The following UNC13C variants were observed in gnomAD, a reference collection of about 807,000 sequenced individuals.
UNC13C encodes protein unc-13 homolog C.
A neutral mutation model predicts 245.4 loss-of-function variants in UNC13C; 174 were observed. That is an observed-to-expected ratio of 0.71 (90% confidence interval 0.63 to 0.80). The LOEUF (loss-of-function observed/expected upper bound fraction) is 0.80, where lower values mean the gene tolerates loss of function less well. Among genes scored for constraint, UNC13C ranks in the 30% least tolerant of loss-of-function variants. UNC13C has a pLI of 0.00. For synonymous variants in UNC13C, 992 were observed against 895.1 expected, an observed-to-expected ratio of 1.11 and a Z score of -1.93; for missense variants, 2,829 against 2,602.9, an observed-to-expected ratio of 1.09 and a Z score of -1.89.
chr15:54,462,052 A>G (rs552528000), intron 19 of UNC13C, among the ~76,000 whole-genome samples: 2 of 152,294 alleles, frequency 1.3e-5, no homozygotes, highest in African/African-American at 2.4e-5. Context: ...TTTTCCAGTC[A>G]TGTTAAGTAC....
chr15:54,243,056 G>T (rs569222122), intron 7 of UNC13C, among the ~76,000 whole-genome samples: 12 of 152,052 alleles, frequency 7.9e-5, no homozygotes, highest in African/African-American at 2.9e-4. Context: ...TGCCATGGTG[G>T]TTTGCTGCCC....
the UNC13C span, among the ~76,000 whole-genome samples, chr15:53,865,529 T>C: frequency 6.6e-6 from 1 of 152,172 alleles, no homozygotes; most frequent in Non-Finnish European, 1.5e-5. Context: ...CCTAAAGGCC[T>C]CATTTTAACT....
chr15:54,089,744 A>G (rs926508045), intron 2 of UNC13C, among the ~76,000 whole-genome samples: 3 of 148,838 alleles, frequency 2.0e-5, no homozygotes, highest in East Asian at 2.0e-4. Context: ...AGAATGGGAC[A>G]TTCATTTTTA....
intron 10 of UNC13C, among the ~76,000 whole-genome samples, chr15:54,274,055 C>G (rs991853181): frequency 2.3e-4 from 35 of 152,036 alleles, no homozygotes. Context: ...ATGTAAGACA[C>G]ATGATTTTTT....
At chr15:54,563,903 T>G (rs956996303) in intron 29 of UNC13C, among the ~76,000 whole-genome samples, 14 of 152,022 alleles carry the variant, frequency 9.2e-5, no homozygotes, top group Non-Finnish European at 2.1e-4. Context: ...GTCCATGTAA[T>G]AACTGCAGCC....
At chr15:54,165,100 C>T (rs1323588419) in intron 4 of UNC13C, among the ~76,000 whole-genome samples, 1 of 152,084 alleles carries the variant, frequency 6.6e-6, no homozygotes, top group Non-Finnish European at 1.5e-5. Flanking sequence ...AAGTCACCTT[C>T]CCTTTGCTTC....
intron 4 of UNC13C, among the ~76,000 whole-genome samples, chr15:54,225,806 C>G (rs2035365571): frequency 6.6e-6 from 1 of 152,170 alleles, no homozygotes; most frequent in Admixed American, 6.5e-5. Context: ...ATTTCTTTCT[C>G]TTGCCTGATT....
chr15:54,335,353 C>T (rs1411632443), intron 16 of UNC13C, among the ~76,000 whole-genome samples: 2 of 152,138 alleles, frequency 1.3e-5, no homozygotes, highest in East Asian at 1.9e-4. Flanking sequence ...ACATTTCTTT[C>T]CAATTAATTT....
At chr15:53,845,258 G>A in the UNC13C span, among the ~76,000 whole-genome samples, 1 of 151,092 alleles carries the variant, frequency 6.6e-6, no homozygotes, top group African/African-American at 2.4e-5. Flanking sequence ...CTGGGAGGCT[G>A]AGGTTGCAGT....
intron 2 of UNC13C, among the ~76,000 whole-genome samples, chr15:54,070,997 G>C (rs2082113): frequency 0.14 from 21,666 of 152,068 alleles, 1,632 homozygotes; most frequent in Middle Eastern, 0.22. Flanking sequence ...GTTTGGAAAG[G>C]CAGTTTTTTT....
At chr15:54,388,736 T>C (rs956941371) in intron 17 of UNC13C, among the ~76,000 whole-genome samples, 4 of 152,198 alleles carry the variant, frequency 2.6e-5, no homozygotes, top group African/African-American at 9.6e-5. Context: ...TTAGACTTTT[T>C]CTCCAAGGTT....
chr15:54,386,140 A>G (rs1184774748), intron 17 of UNC13C, among the ~76,000 whole-genome samples: 1 of 152,196 alleles, frequency 6.6e-6, no homozygotes, highest in Non-Finnish European at 1.5e-5. Context: ...AGGTCTTGGC[A>G]TTGAGGCTAA....
chr15:54,143,750 T>C (rs1023570914), intron 4 of UNC13C, 66 bp downstream of exon 4: 5 of 1,266,526 alleles, frequency 3.9e-6, no homozygotes, highest in South Asian at 2.6e-5. Flanking sequence ...GTTCTCAACA[T>C]ATATGCTTTG....
At chr15:54,325,147 T>C (rs1330914051) in intron 14 of UNC13C, among the ~76,000 whole-genome samples, 2 of 152,002 alleles carry the variant, frequency 1.3e-5, no homozygotes, top group Non-Finnish European at 2.9e-5. Flanking sequence ...TCATTAAAAA[T>C]CGAGTTTTTA....
intron 13 of UNC13C, among the ~76,000 whole-genome samples, chr15:54,319,536 C>T (rs569492047): frequency 6.6e-6 from 1 of 151,798 alleles, no homozygotes; most frequent in Non-Finnish European, 1.5e-5. Flanking sequence ...AATTTTTATT[C>T]GTGATTCTTA....
intron 2 of UNC13C, among the ~76,000 whole-genome samples, chr15:54,088,052 T>C (rs1899341982): frequency 6.6e-6 from 1 of 151,052 alleles, no homozygotes; most frequent in Admixed American, 6.6e-5. Flanking sequence ...CTACAAATCC[T>C]GAATATTATA....
chr15:54,230,758 C>T (rs1192059867), intron 4 of UNC13C, among the ~76,000 whole-genome samples: 1 of 151,856 alleles, frequency 6.6e-6, no homozygotes, highest in Non-Finnish European at 1.5e-5. Flanking sequence ...TTTTAAAGGT[C>T]TCGCTACAAA....
At chr15:54,410,973 T>C (rs1193762829) in intron 18 of UNC13C, among the ~76,000 whole-genome samples, 1 of 152,234 alleles carries the variant, frequency 6.6e-6, no homozygotes, top group African/African-American at 2.4e-5. Context: ...CCAGCTCCTC[T>C]GCATGCTTGC....
chr15:54,515,086 A>T (rs960215082), intron 24 of UNC13C, among the ~76,000 whole-genome samples: 1 of 148,194 alleles, frequency 6.7e-6, no homozygotes, highest in African/African-American at 2.6e-5. Flanking sequence ...AGAATATATA[A>T]AAAAAAATCT....
Sources: gnomAD v4.1 joint callset for allele counts (sites outside exome capture counted in the v4.1 genomes callset) on GRCh38, gnomAD v4.1.1 for gene constraint, MANE v1.5 for transcripts, NCBI Gene and HGNC (gene_info 2026-07-23, HGNC 2026-07-21) for gene names.